Variants in PTPRM observed in about 807,000 individuals in gnomAD.
PTPRM encodes protein tyrosine phosphatase receptor type M.
PTPRM carries 47 observed loss-of-function variants against 186.7 expected under a neutral mutation model. The ratio of observed to expected loss-of-function variants is 0.25; its 90% CI spans 0.20 to 0.32. The LOEUF (loss-of-function observed/expected upper bound fraction) is 0.32. Ranked by LOEUF, PTPRM falls within the 10% of genes least tolerant of loss-of-function variation. PTPRM has a pLI of 1.00. For missense variants in PTPRM, 1,494 were observed against 1,865.0 expected (o/e 0.80, Z 3.66); for synonymous variants, 668 against 674.9 (o/e 0.99, Z 0.16).
At chr18:7,871,502 G>A (rs976077469) in intron 2 of PTPRM, among the ~76,000 whole-genome samples, 2 of 152,182 alleles carry the variant, frequency 1.3e-5, no homozygotes, top group Non-Finnish European at 1.5e-5. Context: ...TAGACTGGAA[G>A]CTTCTGAGGG....
intron 5 of PTPRM, among the ~76,000 whole-genome samples, chr18:7,942,869 G>C (rs976781966): frequency 1.1e-4 from 17 of 152,168 alleles, no homozygotes; most frequent in African/African-American, 3.9e-4. Context: ...GTCCCAAAGT[G>C]CATTTGCTGC....
chr18:8,401,457 G>A (rs1257764210), intron 32 of PTPRM, among the ~76,000 whole-genome samples: 3 of 152,184 alleles, frequency 2.0e-5, no homozygotes, highest in South Asian at 4.1e-4. Context: ...ATCCCACCAC[G>A]GTAATAGGGC....
At chr18:7,588,398 G>A (rs934344806) in intron 1 of PTPRM, among the ~76,000 whole-genome samples, 1 of 152,106 alleles carries the variant, frequency 6.6e-6, no homozygotes, top group Non-Finnish European at 1.5e-5. Flanking sequence ...ACTAACTTAT[G>A]AGGATTGACT....
At chr18:8,240,750 C>T (rs1471138065) in intron 14 of PTPRM, among the ~76,000 whole-genome samples, 1 of 112,416 alleles carries the variant, frequency 8.9e-6, no homozygotes, top group Non-Finnish European at 1.7e-5. Context: ...TTGTGGCAAC[C>T]CGCGAGGGAG....
chr18:8,248,585 T>C (rs2094498852), intron 17 of PTPRM, among the ~76,000 whole-genome samples: 1 of 152,224 alleles, frequency 6.6e-6, no homozygotes. Context: ...TATTTTCACT[T>C]ATTGCTAAGC....
chr18:8,236,326 T>C (rs2094345457), intron 14 of PTPRM, among the ~76,000 whole-genome samples: 1 of 152,258 alleles, frequency 6.6e-6, no homozygotes, highest in African/African-American at 2.4e-5. Flanking sequence ...GTAATGCTTT[T>C]CTTTATCCCT....
At chr18:8,369,736 G>A (rs1438014482) in intron 23 of PTPRM, among the ~76,000 whole-genome samples, 6 of 152,292 alleles carry the variant, frequency 3.9e-5, no homozygotes, top group East Asian at 1.9e-4. Context: ...CAGGAGGATC[G>A]CTTGAGGCCA....
intron 11 of PTPRM, among the ~76,000 whole-genome samples, chr18:8,099,159 TTCTC>T (rs371620516): frequency 2.7e-5 from 4 of 149,566 alleles, no homozygotes; most frequent in Non-Finnish European, 4.5e-5. Flanking sequence ...CTCTCTCTCT[TTCTC>T]TCTCTCTTTC....
chr18:7,940,627 G>A (rs948821773), intron 5 of PTPRM, among the ~76,000 whole-genome samples: 1 of 151,904 alleles, frequency 6.6e-6, no homozygotes, highest in Non-Finnish European at 1.5e-5. Flanking sequence ...ACAGTGGTGC[G>A]GCCATGGCAC....
At chr18:8,307,379 C>A (rs1320943971) in intron 20 of PTPRM, among the ~76,000 whole-genome samples, 5 of 152,200 alleles carry the variant, frequency 3.3e-5, no homozygotes, top group Non-Finnish European at 7.3e-5. Context: ...TTGAGACTTA[C>A]CCCACGCTCA....
At chr18:7,775,472 A>G (rs2042534483) in intron 2 of PTPRM, among the ~76,000 whole-genome samples, 1 of 152,128 alleles carries the variant, frequency 6.6e-6, no homozygotes, top group South Asian at 2.1e-4. Context: ...GAAGAGGAGA[A>G]CACAGCTGTG....
At chr18:8,196,079 T>A (rs545455264) in intron 14 of PTPRM, among the ~76,000 whole-genome samples, 350 of 152,342 alleles carry the variant, frequency 2.3e-3, no homozygotes, top group Non-Finnish European at 4.0e-3. Context: ...AGAACTAAAA[T>A]GACTGAGCAC....
At chr18:7,759,509 C>T (rs571050384) in intron 1 of PTPRM, among the ~76,000 whole-genome samples, 95 of 152,282 alleles carry the variant, frequency 6.2e-4, no homozygotes, top group Non-Finnish European at 9.7e-4. Context: ...AGTTTCTGGA[C>T]GCAGATAAGG....
chr18:7,719,406 T>A (rs2040405595), intron 1 of PTPRM, among the ~76,000 whole-genome samples: 1 of 151,884 alleles, frequency 6.6e-6, no homozygotes, highest in Admixed American at 6.6e-5. Context: ...AGGGTGTGGG[T>A]GATAAAAGAT....
intron 13 of PTPRM, among the ~76,000 whole-genome samples, chr18:8,135,355 T>G (rs150528961): frequency 2.6e-3 from 392 of 152,316 alleles, no homozygotes; most frequent in Non-Finnish European, 5.0e-3. Context: ...TTTTTCTCAT[T>G]TTGCCATAGT....
chr18:8,172,422 C>T (rs572460862), intron 14 of PTPRM, among the ~76,000 whole-genome samples: 57 of 152,014 alleles, frequency 3.7e-4, no homozygotes, highest in Non-Finnish European at 7.4e-4. Context: ...TACAGGAAGG[C>T]ACTGTTTCAA....
In PTPRM at chr18:8,122,729, C is replaced by G. The variant is rs78220091; in HGVS notation, c.2167+7902C>G. 7.5e-3 allele frequency among the ~76,000 whole-genome samples: 1,149 copies of G among 152,250 alleles called. 11 individuals are homozygous for G. The highest frequency in any genetic ancestry group is 0.026 in the African/African-American group (1,088 of 41,550). On this transcript the variant is annotated intron_variant, in intron 13 of 32. Transcript: ENST00000580170. ...TGCAAGAGATTTATTTTTTACCTTG[C>G]CTGGTCTAGTTTGCACATACATTTA...
chr18:7,789,321 T>G (rs939438012), intron 2 of PTPRM, among the ~76,000 whole-genome samples: 3 of 151,122 alleles, frequency 2.0e-5, no homozygotes, highest in Admixed American at 6.6e-5. Context: ...TGAGACCCTG[T>G]CTTTAAATGA....
At chr18:7,621,400 GC>G (rs1177073365) in intron 1 of PTPRM, among the ~76,000 whole-genome samples, 1 of 151,838 alleles carries the variant, frequency 6.6e-6, no homozygotes, top group South Asian at 2.1e-4. Flanking sequence ...CACATGCATA[GC>G]CCCCCATTAT....
Sources: gnomAD v4.1 joint callset for allele counts (sites outside exome capture counted in the v4.1 genomes callset) on GRCh38, gnomAD v4.1.1 for gene constraint, MANE v1.5 for transcripts, NCBI Gene and HGNC (gene_info 2026-07-23, HGNC 2026-07-21) for gene names.